Variants in HLA-DRB5 observed in about 807,000 individuals in gnomAD.
HLA-DRB5 encodes DR beta-5.
Under a neutral mutation model 22.4 loss-of-function variants are expected in HLA-DRB5, and 11 were observed. The ratio of observed to expected loss-of-function variants is 0.49; its 90% CI spans 0.31 to 0.81. HLA-DRB5 has a LOEUF of 0.81. HLA-DRB5 is among the 40% of genes least tolerant of loss of function. The pLI, the probability that HLA-DRB5 is intolerant of heterozygous loss-of-function variation, is 0.05. For synonymous variants in HLA-DRB5, 57 were observed against 106.0 expected (o/e 0.54, Z 2.84); for missense variants, 106 against 274.4 (o/e 0.39, Z 4.34).
intron 1 of HLA-DRB5, among the ~76,000 whole-genome samples, chr6:32,528,177 T>TTATAGCTGCCTAAGCATATGAACCAA (rs1334446855): frequency 3.2e-5 from 2 of 61,644 alleles, no homozygotes; most frequent in Admixed American, 1.8e-4. Flanking sequence ...CTTTCTCAAG[T>TTATAGCTGCCTAAGCATATGAACCAA]AGGGCTCTCT....
At chr6:32,521,801 C>CTCT (rs1554265714) in intron 2 of HLA-DRB5, 104 bp downstream of exon 2, 16 of 176,008 alleles carry the variant, frequency 9.1e-5, no homozygotes, top group African/African-American at 7.0e-4. Flanking sequence ...TCTCTCTCTT[C>CTCT]CTCTCTCTCT....
chr6:32,521,870 A>G (rs202236721), intron 2 of HLA-DRB5, 35 bp downstream of exon 2: 1 of 1,074,946 alleles, frequency 9.3e-7, no homozygotes, highest in Non-Finnish European at 1.3e-6. Context: ...TTCCCAGCTC[A>G]CAAGGACCCA....
At chr6:32,521,239 A>C (rs575493626) in intron 2 of HLA-DRB5, among the ~76,000 whole-genome samples, 1,708 of 53,680 alleles carry the variant, frequency 0.032, no homozygotes, top group Middle Eastern at 0.083. Context: ...AATTTTAATC[A>C]AAAAGTTAGT....
intron 2 of HLA-DRB5, among the ~76,000 whole-genome samples, chr6:32,521,373 A>C (rs115942552): frequency 0.044 from 4,252 of 96,690 alleles, 124 homozygotes; most frequent in East Asian, 0.071. Context: ...TCCCCTAGAA[A>C]TTAATCTAAT....
intron 2 of HLA-DRB5, among the ~76,000 whole-genome samples, chr6:32,520,639 G>T (rs1317079474): frequency 0.13 from 10,725 of 79,678 alleles, 1 homozygote; most frequent in Admixed American, 0.18. Flanking sequence ...CTTATGCCTA[G>T]GAAAATCCCT....
At chr6:32,523,786 TTGG>T (rs1769252393) in intron 1 of HLA-DRB5, among the ~76,000 whole-genome samples, 1 of 81,390 alleles carries the variant, frequency 1.2e-5, no homozygotes, top group Non-Finnish European at 2.6e-5. Flanking sequence ...AAGAACTGAA[TTGG>T]GTGCTGAGTG....
At chr6:32,524,033 A>G (rs189455956) in intron 1 of HLA-DRB5, among the ~76,000 whole-genome samples, 1,103 of 45,524 alleles carry the variant, frequency 0.024, 68 homozygotes, top group Non-Finnish European at 0.028. Flanking sequence ...CCCAAGGGTG[A>G]TGGGAGGGAA....
rs796543540 is a variant in HLA-DRB5 at position 32,524,514 on chromosome 6, C to T, written c.101-2340G>A. Among the ~76,000 whole-genome samples, 662 of 81,804 alleles carry T rather than the reference C, an allele frequency of 8.1e-3. 1 individual carries two copies. Among genetic ancestry groups the T allele is most frequent in the East Asian group, 0.028 (77 of 2,788 alleles). The allele number at this position is 81,804 out of a possible 152,430, so 53.7% of individuals were successfully genotyped here. A position where few individuals can be genotyped will look rare whatever the true frequency, so the allele number is the denominator to read the frequency against. On this transcript the variant is annotated intron_variant, in intron 1 of 5. Coordinates refer to ENST00000374975, the MANE Select transcript of HLA-DRB5 (RefSeq NM_002125.4). Reference sequence around the variant, plus strand: ...ACTCTTGGTTTTGTAGTCAAGTCCCCTCAGAAAGTCAGAAACCAAGAAAAT... The same window carrying T: ...ACTCTTGGTTTTGTAGTCAAGTCCCTTCAGAAAGTCAGAAACCAAGAAAAT...
intron 1 of HLA-DRB5, among the ~76,000 whole-genome samples, chr6:32,525,850 T>C (rs1443349919): frequency 2.5e-5 from 3 of 121,742 alleles, no homozygotes; most frequent in African/African-American, 9.6e-5. Flanking sequence ...CACTCCATTC[T>C]CATGACCTAG....
In HLA-DRB5 at chr6:32,517,553, A is replaced by AGG. The variant is rs1194677322; in HGVS notation, c.*185_*186insCC. On this transcript the variant is annotated 3_prime_UTR_variant, in exon 6 of 6. Transcript: ENST00000374975. Reference sequence around the variant, plus strand: ...ATGAGGCACTGCCATCAATGCTGGGACTTCAGGCCAAGGGCAGGAGCTGAG... The same window carrying AGG: ...ATGAGGCACTGCCATCAATGCTGGGAGGCTTCAGGCCAAGGGCAGGAGCTGAG... 8.1e-3 allele frequency: 1,321 copies of AGG among 164,034 alleles called. 140 individuals are homozygous for AGG. The highest frequency in any genetic ancestry group is 0.012 in the Admixed American group (93 of 7,780). The allele number at this position is 164,034 out of a possible 1,614,324, so 10.2% of individuals were successfully genotyped here. A position where few individuals can be genotyped will look rare whatever the true frequency, so the allele number is the denominator to read the frequency against.
Position 32,522,111 on chromosome 6 carries a change from A to T in HLA-DRB5, c.164T>A (p.Phe55Tyr), listed in dbSNP as rs147440497. 161,180 of 894,902 alleles carry T rather than the reference A, an allele frequency of 0.18. 21,926 individuals are homozygous for T. The highest frequency in any genetic ancestry group is 0.32 in the East Asian group (10,484 of 33,080). 55.4% of individuals were successfully genotyped at this position (894,902 alleles called of 1,614,324 possible). The change falls in exon 2 of 6, where the codon TTC (phenylalanine) becomes TAC (tyrosine). Residue 55 changes from phenylalanine (F) to tyrosine (Y), a missense_variant. By Grantham distance (22) the Phe-to-Tyr change is conservative. Coordinates refer to ENST00000374975, the MANE Select transcript of HLA-DRB5 (RefSeq NM_002125.4). ...TTGGTTATAGATGTCTCTGTGCAGG[A>T]ACCGCACCCGCTCCGTCCCGTTGAA... is the stretch of plus-strand genomic sequence containing the variant. Reference protein sequence around the residue: ...HFFNGTERVRFLHRDIYNQEE... With the variant: ...HFFNGTERVRYLHRDIYNQEE...
chr6:32,525,928 C>T (rs796527006), intron 1 of HLA-DRB5, among the ~76,000 whole-genome samples: 9,129 of 40,730 alleles, frequency 0.22, 3,038 homozygotes, highest in Non-Finnish European at 0.28. Context: ...TGTGTGACCT[C>T]TTCATGAGCA....
intron 2 of HLA-DRB5, among the ~76,000 whole-genome samples, chr6:32,521,163 T>C (rs116290200): frequency 4.8e-4 from 36 of 74,740 alleles, no homozygotes; most frequent in Middle Eastern, 6.6e-3. Flanking sequence ...CTATTATATA[T>C]AAAAGAATAA....
Position 32,517,607 on chromosome 6 carries a change from G to C in HLA-DRB5, c.*132C>G. On this transcript the variant is annotated 3_prime_UTR_variant, in exon 6 of 6. Transcript: ENST00000374975. ...GCCACAAGGATGGACATTTTCTGCA[G>C]AGTTGCTGAACCGGTAGCAACCAGG... 2.2e-5 allele frequency: 5 copies of C among 222,444 alleles called. 2 individuals are homozygous for C. The highest frequency in any genetic ancestry group is 2.4e-5 in the Non-Finnish European group (3 of 125,134). The allele number at this position is 222,444 out of a possible 1,614,324, so 13.8% of individuals were successfully genotyped here. A position where few individuals can be genotyped will look rare whatever the true frequency, so the allele number is the denominator to read the frequency against.
At chr6:32,524,320 A>G (rs1769322108) in intron 1 of HLA-DRB5, among the ~76,000 whole-genome samples, 1 of 124,720 alleles carries the variant, frequency 8.0e-6, no homozygotes, top group Non-Finnish European at 1.7e-5. Flanking sequence ...CTTTCATATC[A>G]TCTTCTTTCT....
intron 1 of HLA-DRB5, among the ~76,000 whole-genome samples, chr6:32,524,016 CA>C (rs200806672): frequency 0.31 from 12,859 of 41,670 alleles, 4,163 homozygotes; most frequent in Middle Eastern, 0.47. Flanking sequence ...AACATTGCCA[CA>C]AGTTCCCCAA....
At chr6:32,524,509 G>T (rs79592882) in intron 1 of HLA-DRB5, among the ~76,000 whole-genome samples, 5,613 of 72,708 alleles carry the variant, frequency 0.077, 227 homozygotes, top group East Asian at 0.1. Flanking sequence ...TTGTAGTCAA[G>T]TCCCCTCAGA....
chr6:32,518,481 G>A lies in HLA-DRB5; in HGVS notation c.763+75C>T, dbSNP rs1469076134. On this transcript the variant is annotated intron_variant, in intron 4 of 5. Coordinates refer to ENST00000374975, the MANE Select transcript of HLA-DRB5 (RefSeq NM_002125.4). ...TTATCCAGGGCCACTCATATACTGA[G>A]AACTAACCTCAGCAAAGCCCTATTT... is the stretch of plus-strand genomic sequence containing the variant. 1.5e-5 allele frequency: 7 copies of A among 461,160 alleles called. 1 individual carries two copies. Among genetic ancestry groups the A allele is most frequent in the Non-Finnish European group, 1.4e-5 (4 of 279,730 alleles). 28.6% of individuals were successfully genotyped at this position (461,160 alleles called of 1,614,324 possible).
At chr6:32,525,865 G>A (rs72508453) in intron 1 of HLA-DRB5, among the ~76,000 whole-genome samples, 30,945 of 57,190 alleles carry the variant, frequency 0.54, 7,534 homozygotes, top group Middle Eastern at 0.64. Context: ...ACCTAGAGTA[G>A]TAACTGGTAT....
Sources: gnomAD v4.1 joint callset for allele counts (sites outside exome capture counted in the v4.1 genomes callset) on GRCh38, gnomAD v4.1.1 for gene constraint, MANE v1.5 for transcripts, NCBI Gene and HGNC (gene_info 2026-07-23, HGNC 2026-07-21) for gene names.